COL22A1: variants seen among roughly 807,000 people sequenced by gnomAD.
COL22A1 encodes the protein collagen alpha-1(XXII) chain.
A neutral mutation model predicts 248.9 loss-of-function variants in COL22A1; 221 were observed. The observed-to-expected ratio is 0.89, with a 90% CI of 0.80 to 0.99. The LOEUF is 0.99. Among genes scored for constraint, COL22A1 ranks in the 50% least tolerant of loss-of-function variants. COL22A1 has a pLI of 0.00. For synonymous variants in COL22A1, 891 were observed against 793.4 expected (o/e 1.12, Z -2.07); for missense variants, 2,240 against 2,179.0 (o/e 1.03, Z -0.56).
intron 58 of COL22A1, 84 bp downstream of exon 58, chr8:138,606,297 C>G: frequency 8.2e-7 from 1 of 1,217,466 alleles, no homozygotes. Context: ...ACTGAGGACA[C>G]AGGAGGTGGC....
chr8:138,906,706 G>A (rs1815056847), intron 1 of COL22A1, among the ~76,000 whole-genome samples: 1 of 151,256 alleles, frequency 6.6e-6, no homozygotes, highest in South Asian at 2.1e-4. Flanking sequence ...AGGCTGGAGT[G>A]CAACGGTGTG....
intron 1 of COL22A1, among the ~76,000 whole-genome samples, chr8:138,902,621 G>C (rs530586836): frequency 6.6e-6 from 1 of 151,692 alleles, no homozygotes. Flanking sequence ...CAAGAGAATG[G>C]CGTGAACCTG....
intron 51 of COL22A1, among the ~76,000 whole-genome samples, chr8:138,625,636 T>C (rs1403643885): frequency 2.0e-5 from 3 of 152,338 alleles, no homozygotes; most frequent in Non-Finnish European, 4.4e-5. Flanking sequence ...TTTTGGAGGA[T>C]CATCATAAAG....
intron 63 of COL22A1, among the ~76,000 whole-genome samples, chr8:138,593,719 G>C (rs1484462032): frequency 6.6e-6 from 1 of 152,146 alleles, no homozygotes; most frequent in Non-Finnish European, 1.5e-5. Context: ...CTCAGTAGGG[G>C]AAAAAGGAGG....
intron 4 of COL22A1, among the ~76,000 whole-genome samples, chr8:138,837,273 C>A (rs1381498788): frequency 1.3e-5 from 2 of 152,202 alleles, no homozygotes; most frequent in African/African-American, 4.8e-5. Flanking sequence ...AGGACCAGGC[C>A]TCCAGAGTGC....
In COL22A1 at chr8:138,602,194, G is replaced by A. The variant is rs759773160; in HGVS notation, c.4141-35C>T. 133 of 1,611,328 alleles carry A rather than the reference G, an allele frequency of 8.3e-5. 1 individual carries two copies. The South Asian group carries it at 1.0e-3, about 13-fold the overall frequency. On this transcript the variant is annotated intron_variant, in intron 59 of 64. Transcript: ENST00000303045. ...GAAAGAAAGGACAGTCATTGCCCCG[G>A]GCCCTCTGCACTGGTGTCCTTGCCT... is the stretch of plus-strand genomic sequence containing the variant.
chr8:138,747,048 G>T (rs73719346), intron 22 of COL22A1, among the ~76,000 whole-genome samples: 1 of 152,186 alleles, frequency 6.6e-6, no homozygotes, highest in Non-Finnish European at 1.5e-5. Flanking sequence ...ATTTGATGCA[G>T]CTTCAAGAAG....
chr8:138,672,879 C>T (rs866877164), intron 41 of COL22A1, among the ~76,000 whole-genome samples: 4 of 152,180 alleles, frequency 2.6e-5, no homozygotes, highest in South Asian at 4.1e-4. Context: ...CTTCACAAAC[C>T]CCAGCTCCTT....
intron 3 of COL22A1, among the ~76,000 whole-genome samples, chr8:138,848,041 C>T (rs1776495182): frequency 1.3e-5 from 2 of 152,024 alleles, no homozygotes; most frequent in Non-Finnish European, 2.9e-5. Context: ...CTTCTCTATC[C>T]CAATAAATAT....
At chr8:138,856,006 G>A (rs1821978038) in intron 3 of COL22A1, among the ~76,000 whole-genome samples, 1 of 152,236 alleles carries the variant, frequency 6.6e-6, no homozygotes, top group Non-Finnish European at 1.5e-5. Context: ...AGCAGGGGCA[G>A]GATGGAAGGA....
intron 3 of COL22A1, among the ~76,000 whole-genome samples, chr8:138,877,135 A>G (rs1283145666): frequency 6.6e-6 from 1 of 152,030 alleles, no homozygotes; most frequent in Non-Finnish European, 1.5e-5. Flanking sequence ...GCCACAATCA[A>G]CAGATTCCAG....
intron 3 of COL22A1, among the ~76,000 whole-genome samples, chr8:138,870,220 A>T (rs1328635587): frequency 6.6e-6 from 1 of 151,054 alleles, no homozygotes; most frequent in East Asian, 2.0e-4. Flanking sequence ...CATTGTATGT[A>T]TGTAGGTGGG....
intron 49 of COL22A1, among the ~76,000 whole-genome samples, chr8:138,631,004 G>T (rs1187112634): frequency 1.3e-5 from 2 of 152,244 alleles, no homozygotes; most frequent in Admixed American, 1.3e-4. Flanking sequence ...GCAAGATCTG[G>T]TTGTTTAGAA....
At chr8:138,859,688 C>T (rs1299912252) in intron 3 of COL22A1, among the ~76,000 whole-genome samples, 1 of 152,156 alleles carries the variant, frequency 6.6e-6, no homozygotes, top group Non-Finnish European at 1.5e-5. Context: ...TCTCCTCCTT[C>T]CAGGGCACCC....
chr8:138,603,996 C>A (rs1240938789), intron 59 of COL22A1, among the ~76,000 whole-genome samples: 2 of 152,202 alleles, frequency 1.3e-5, no homozygotes, highest in East Asian at 3.9e-4. Context: ...TACAGCAGAA[C>A]AGAGCAGGGT....
chr8:138,639,314 C>T (rs568539703), intron 47 of COL22A1, among the ~76,000 whole-genome samples: 1 of 152,300 alleles, frequency 6.6e-6, no homozygotes, highest in Non-Finnish European at 1.5e-5. Flanking sequence ...CTGGCTTTCT[C>T]TGCCCAAATT....
chr8:138,908,181 C>A (rs1217713359), intron 1 of COL22A1, among the ~76,000 whole-genome samples: 2 of 152,200 alleles, frequency 1.3e-5, no homozygotes, highest in Non-Finnish European at 2.9e-5. Context: ...TATGCAGTAC[C>A]TCCTAAGAGC....
chr8:138,612,935 CAAAAAAAAAAA>C (rs56824708), intron 56 of COL22A1, among the ~76,000 whole-genome samples: 628 of 40,936 alleles, frequency 0.015, 10 homozygotes, highest in African/African-American at 0.066. Flanking sequence ...GACTCCATCT[CAAAAAAAAAAA>C]AAAAAAAAAA....
intron 16 of COL22A1, among the ~76,000 whole-genome samples, chr8:138,766,026 T>C (rs540963416): frequency 6.6e-6 from 1 of 152,362 alleles, no homozygotes. Flanking sequence ...TTCAGCCATC[T>C]GCTCATCCAC....
Sources: allele counts gnomAD v4.1 joint callset (sites outside exome capture counted in the v4.1 genomes callset), GRCh38; gene constraint gnomAD v4.1.1; transcripts MANE v1.5; gene names NCBI Gene and HGNC (gene_info 2026-07-23, HGNC 2026-07-21).